Variants in SSBP3 observed in about 807,000 individuals in gnomAD.
SSBP3 encodes single stranded DNA binding protein 3.
SSBP3 carries 5 observed loss-of-function variants against 69.6 expected under a neutral mutation model. That is an observed-to-expected ratio of 0.07 (90% CI 0.04 to 0.15). The LOEUF (loss-of-function observed/expected upper bound fraction) is 0.15, where lower values mean the gene tolerates loss of function less well. Among genes scored for constraint, SSBP3 ranks in the 10% least tolerant of loss-of-function variants. The pLI is 1.00. For missense variants in SSBP3, 312 were observed against 534.0 expected, an observed-to-expected ratio of 0.58 and a Z score of 4.10; for synonymous variants, 196 against 193.4, an observed-to-expected ratio of 1.01 and a Z score of -0.11.
intron 4 of SSBP3, among the ~76,000 whole-genome samples, chr1:54,336,351 C>A (rs938050351): frequency 3.3e-5 from 5 of 152,170 alleles, no homozygotes; most frequent in African/African-American, 9.7e-5. Context: ...CTCAGAGGCC[C>A]CAGCCCCCGA....
At chr1:54,343,634 A>T (rs1327816478) in intron 4 of SSBP3, among the ~76,000 whole-genome samples, 1 of 152,194 alleles carries the variant, frequency 6.6e-6, no homozygotes, top group Non-Finnish European at 1.5e-5. Context: ...AATACATGTG[A>T]ATGTGCAGTG....
At chr1:54,362,984 CACTG>C (rs1646973680) in intron 4 of SSBP3, among the ~76,000 whole-genome samples, 1 of 152,094 alleles carries the variant, frequency 6.6e-6, no homozygotes, top group African/African-American at 2.4e-5. Flanking sequence ...GATACTTAGA[CACTG>C]TTGTCTTACT....
At chr1:54,244,682 C>T (rs1644703371) in intron 9 of SSBP3, among the ~76,000 whole-genome samples, 2 of 152,206 alleles carry the variant, frequency 1.3e-5, no homozygotes, top group Admixed American at 6.5e-5. Flanking sequence ...TCCTATATAA[C>T]CAGGCCAGTG....
At chr1:54,395,130 A>C (rs2100783608) in intron 4 of SSBP3, among the ~76,000 whole-genome samples, 2 of 152,130 alleles carry the variant, frequency 1.3e-5, no homozygotes, top group South Asian at 4.2e-4. Flanking sequence ...CCAGGGCAGG[A>C]TACATACCAA....
intron 5 of SSBP3, among the ~76,000 whole-genome samples, chr1:54,281,082 A>G (rs1267011311): frequency 6.6e-6 from 1 of 152,114 alleles, no homozygotes; most frequent in Non-Finnish European, 1.5e-5. Context: ...CAATTTACTG[A>G]TTTTTTTTAA....
At chr1:54,297,972 C>T (rs932614745) in intron 4 of SSBP3, among the ~76,000 whole-genome samples, 1 of 152,144 alleles carries the variant, frequency 6.6e-6, no homozygotes, top group Admixed American at 6.5e-5. Flanking sequence ...ACCCTGACCC[C>T]AGCAGGGGAA....
chr1:54,344,701 G>T (rs908390620), intron 4 of SSBP3, among the ~76,000 whole-genome samples: 1 of 152,216 alleles, frequency 6.6e-6, no homozygotes. Flanking sequence ...AAGGAGCAAA[G>T]AGATGAGAGA....
chr1:54,272,499 A>AAAG (rs1468109686), intron 5 of SSBP3, among the ~76,000 whole-genome samples: 2 of 151,952 alleles, frequency 1.3e-5, no homozygotes, highest in Non-Finnish European at 1.5e-5. Context: ...AAAAAAAAAA[A>AAAG]AAGGGAGAAA....
rs559777803 is a variant in SSBP3, at chr1:54,310,269, T to C, written c.277-28742A>G. Among the ~76,000 whole-genome samples, 92 of 152,296 alleles carry C rather than the reference T, an allele frequency of 6.0e-4. 1 individual carries two copies. In the South Asian group the frequency reaches 0.018, roughly 31 times the overall value. ...TTCTTCAACTCTCAGCCAGGCTTTC[T>C]TCTCTCTCCCCAGGGGCCGCAGGCT... On this transcript the variant is annotated intron_variant, in intron 4 of 17. Coordinates refer to ENST00000610401, the Ensembl canonical transcript of SSBP3.
chr1:54,268,162 C>G (rs1288851700), intron 5 of SSBP3, among the ~76,000 whole-genome samples: 1 of 152,252 alleles, frequency 6.6e-6, no homozygotes, highest in Non-Finnish European at 1.5e-5. Flanking sequence ...AAGAGATGGG[C>G]CCGGGATCCA....
intron 13 of SSBP3, among the ~76,000 whole-genome samples, chr1:54,240,083 TGTGTGCGCGC>T (rs750474766): frequency 0.062 from 4,401 of 71,226 alleles, 225 homozygotes; most frequent in African/African-American, 0.24. Context: ...TGTGTGTGTG[TGTGTGCGCGC>T]GCGCGCGTGT....
At chr1:54,369,224 G>GC (rs1035760220) in intron 4 of SSBP3, among the ~76,000 whole-genome samples, 1 of 150,538 alleles carries the variant, frequency 6.6e-6, no homozygotes, top group Non-Finnish European at 1.5e-5. Context: ...GAGTCGGGGG[G>GC]GGGGCCCAAG....
At chr1:54,238,807 G>A (rs940782595) in intron 14 of SSBP3, 3 of 381,370 alleles carry the variant, frequency 7.9e-6, no homozygotes, top group Non-Finnish European at 1.5e-5. Flanking sequence ...AGTTTGCTGG[G>A]CAGAGACCAG....
In SSBP3 at chr1:54,251,575, A is replaced by G. The variant is rs767730578; in HGVS notation, c.651+41T>C. On this transcript the variant is annotated intron_variant, in intron 9 of 17. Coordinates refer to ENST00000610401, the Ensembl canonical transcript of SSBP3. ...AACAGGAGAGAAGGCGGGTGCACAC[A>G]GATGGCCAGGGAGACGGACGGACAG... The G allele has an allele frequency of 1.2e-5, 18 of 1,544,068 alleles. No individual in the cohort carries two copies. The South Asian group carries it at 1.7e-4, about 14-fold the overall frequency.
intron 4 of SSBP3, among the ~76,000 whole-genome samples, chr1:54,333,378 G>T (rs529989206): frequency 6.6e-5 from 10 of 152,196 alleles, no homozygotes; most frequent in South Asian, 2.1e-4. Context: ...CTCTGCCCTG[G>T]ATCCAAACAG....
intron 4 of SSBP3, among the ~76,000 whole-genome samples, chr1:54,323,741 G>C (rs1263894848): frequency 2.0e-5 from 3 of 152,280 alleles, no homozygotes; most frequent in East Asian, 3.9e-4. Context: ...GACCCAGAAG[G>C]AGCAGAGGAA....
At chr1:54,316,109 C>T (rs972140429) in intron 4 of SSBP3, among the ~76,000 whole-genome samples, 3 of 151,748 alleles carry the variant, frequency 2.0e-5, no homozygotes, top group Non-Finnish European at 4.4e-5. Flanking sequence ...CTTTGGGAGG[C>T]TGAGGCGGGA....
chr1:54,409,498 C>G (rs1649933938), upstream of SSBP3, among the ~76,000 whole-genome samples: 1 of 152,058 alleles, frequency 6.6e-6, no homozygotes, highest in African/African-American at 2.4e-5. Flanking sequence ...CCAGGAGCCC[C>G]CAGGGACCGA....
intron 4 of SSBP3, among the ~76,000 whole-genome samples, chr1:54,368,480 A>G (rs866234311): frequency 2.0e-4 from 25 of 126,480 alleles, no homozygotes; most frequent in African/African-American, 6.8e-4. Context: ...ACATTTAGGG[A>G]AAAAAAAAAA....
Sources: gnomAD v4.1 joint callset for allele counts (sites outside exome capture counted in the v4.1 genomes callset) on GRCh38, gnomAD v4.1.1 for gene constraint, MANE v1.5 for transcripts, NCBI Gene and HGNC (gene_info 2026-07-23, HGNC 2026-07-21) for gene names.